The following MARCHF1 variants were observed in gnomAD, a reference collection of about 807,000 sequenced individuals.
MARCHF1 encodes the protein E3 ubiquitin-protein ligase MARCHF1.
MARCHF1 carries 40 observed loss-of-function variants against 54.2 expected under a neutral mutation model. That is an observed-to-expected ratio of 0.74 (90% CI 0.57 to 0.96). The LOEUF (loss-of-function observed/expected upper bound fraction) is 0.96, where lower values mean the gene tolerates loss of function less well. Among genes scored for constraint, MARCHF1 ranks in the 40% least tolerant of loss-of-function variants. The pLI is 0.00. For synonymous variants in MARCHF1, 236 were observed against 236.3 expected, an observed-to-expected ratio of 1.00 and a Z score of 0.01; for missense variants, 586 against 656.5, an observed-to-expected ratio of 0.89 and a Z score of 1.17.
At position 163,554,984 on chromosome 4, in the gene MARCHF1, G is replaced by A. The variant is rs367572007; in HGVS notation, c.1192-9241C>T. ...TTCTTTCAAGATTTTCATGACAGAT[G>A]GGATTTCCTAAAAGTTTTAAGCAAG... On this transcript the variant is annotated intron_variant, in intron 8 of 9. Coordinates refer to ENST00000514618, the MANE Select transcript of MARCHF1 (RefSeq NM_001394959.1). Among the ~76,000 whole-genome samples the A allele has an allele frequency of 9.9e-5, 15 of 152,172 alleles. No homozygotes were observed. In the East Asian group the frequency reaches 2.9e-3, roughly 29 times the overall value.
At chr4:163,791,042 A>C (rs1747761420) in intron 4 of MARCHF1, among the ~76,000 whole-genome samples, 1 of 152,166 alleles carries the variant, frequency 6.6e-6, no homozygotes, top group Admixed American at 6.6e-5. Flanking sequence ...ATGGGAGGCT[A>C]TTCCAACAAT....
intron 4 of MARCHF1, among the ~76,000 whole-genome samples, chr4:163,749,456 T>C (rs577705099): frequency 1.3e-5 from 2 of 152,222 alleles, no homozygotes; most frequent in South Asian, 2.1e-4. Flanking sequence ...GGAAATCCAG[T>C]AAAATATTGA....
intron 3 of MARCHF1, among the ~76,000 whole-genome samples, chr4:163,945,439 T>C (rs1464127337): frequency 6.6e-6 from 1 of 152,164 alleles, no homozygotes. Context: ...GCAAGTAGAG[T>C]AATTTTGAAA....
intron 8 of MARCHF1, among the ~76,000 whole-genome samples, chr4:163,551,875 G>T (rs114782660): frequency 6.6e-6 from 1 of 152,152 alleles, no homozygotes; most frequent in Admixed American, 6.5e-5. Flanking sequence ...CCCCAGTCAT[G>T]TGGAACTATG....
chr4:163,628,334 G>C (rs1021133531), intron 5 of MARCHF1, among the ~76,000 whole-genome samples: 1 of 152,054 alleles, frequency 6.6e-6, no homozygotes, highest in African/African-American at 2.4e-5. Flanking sequence ...ATGCAGAAAA[G>C]GCCTTCCGTA....
intron 1 of MARCHF1, among the ~76,000 whole-genome samples, chr4:164,289,449 C>T (rs1401690923): frequency 2.0e-5 from 3 of 151,896 alleles, no homozygotes; most frequent in African/African-American, 7.2e-5. Context: ...CTTTCATAAT[C>T]ATTATGAAAC....
intron 1 of MARCHF1, among the ~76,000 whole-genome samples, chr4:164,222,654 G>A (rs890725555): frequency 6.6e-6 from 1 of 151,884 alleles, no homozygotes; most frequent in Non-Finnish European, 1.5e-5. Flanking sequence ...GGAAGAGAGA[G>A]AGAGAGAAAG....
intron 3 of MARCHF1, among the ~76,000 whole-genome samples, chr4:163,895,498 G>A (rs1750785986): frequency 6.6e-6 from 1 of 152,188 alleles, no homozygotes; most frequent in South Asian, 2.1e-4. Flanking sequence ...TAAACCAGAA[G>A]TAAGGCAGAG....
At chr4:163,757,831 T>C (rs1387896253) in intron 4 of MARCHF1, among the ~76,000 whole-genome samples, 2 of 152,188 alleles carry the variant, frequency 1.3e-5, no homozygotes, top group Non-Finnish European at 2.9e-5. Flanking sequence ...ATGGTTGAGT[T>C]ACGCTAAGGA....
intron 1 of MARCHF1, among the ~76,000 whole-genome samples, chr4:164,140,344 T>A (rs1260190595): frequency 2.6e-5 from 4 of 151,858 alleles, no homozygotes; most frequent in African/African-American, 9.7e-5. Flanking sequence ...AGCCTTGAAC[T>A]TGAGAAATTT....
chr4:164,240,984 G>C (rs1732725506), intron 1 of MARCHF1, among the ~76,000 whole-genome samples: 1 of 152,138 alleles, frequency 6.6e-6, no homozygotes, highest in African/African-American at 2.4e-5. Context: ...GTAGCCAGAG[G>C]TCACACGACT....
In MARCHF1 at chr4:163,859,892, G is replaced by A. The variant is rs545671325; in HGVS notation, c.-38-5723C>T. ...GGGGCAGTTGGTGTTCTTAAGTGATGACTGAAAATCTTCCTTATGGAATTG... is the reference window on the plus strand; with the variant it reads ...GGGGCAGTTGGTGTTCTTAAGTGATAACTGAAAATCTTCCTTATGGAATTG... On this transcript the variant is annotated intron_variant, in intron 3 of 9. Coordinates refer to ENST00000514618, the MANE Select transcript of MARCHF1 (RefSeq NM_001394959.1). 4.6e-5 allele frequency among the ~76,000 whole-genome samples: 7 copies of A among 152,270 alleles called. No homozygotes were observed. In the South Asian group the frequency reaches 1.5e-3, roughly 32 times the overall value.
intron 2 of MARCHF1, among the ~76,000 whole-genome samples, chr4:164,109,912 T>TAAAAAAAAAAAAA (rs57433858): frequency 1.0e-3 from 66 of 63,130 alleles, no homozygotes; most frequent in African/African-American, 1.9e-3. Context: ...AAAATAAAAG[T>TAAAAAAAAAAAAA]AAAAAAAAAA....
chr4:163,976,777 G>A (rs1390892140), intron 3 of MARCHF1, among the ~76,000 whole-genome samples: 1 of 152,160 alleles, frequency 6.6e-6, no homozygotes, highest in African/African-American at 2.4e-5. Context: ...CTGGTTGGCA[G>A]TCTTATTCTT....
intron 4 of MARCHF1, among the ~76,000 whole-genome samples, chr4:163,800,575 C>A (rs1472900606): frequency 1.3e-5 from 2 of 151,902 alleles, no homozygotes; most frequent in African/African-American, 4.8e-5. Flanking sequence ...ATTCTGATGA[C>A]AATAAAAAGA....
intron 4 of MARCHF1, among the ~76,000 whole-genome samples, chr4:163,707,786 TAAAAAAA>T (rs777522371): frequency 6.4e-4 from 42 of 65,924 alleles, no homozygotes; most frequent in African/African-American, 1.9e-3. Flanking sequence ...TGTTTTGAAC[TAAAAAAA>T]AAAAAAAAAA....
At chr4:163,752,153 ACTG>A (rs781472130) in intron 4 of MARCHF1, among the ~76,000 whole-genome samples, 8 of 152,182 alleles carry the variant, frequency 5.3e-5, no homozygotes, top group Non-Finnish European at 8.8e-5. Flanking sequence ...TCAGCATTGG[ACTG>A]CTATCTTATA....
chr4:163,944,537 G>T (rs1027436712), intron 3 of MARCHF1, among the ~76,000 whole-genome samples: 5 of 152,054 alleles, frequency 3.3e-5, no homozygotes, highest in African/African-American at 1.2e-4. Context: ...TTCCTGGTTG[G>T]CCAAGGCTGT....
chr4:163,576,703 C>A lies in MARCHF1; in HGVS notation c.1191+9046G>T, dbSNP rs1740050244. Among the ~76,000 whole-genome samples, 3 of 152,034 alleles carry A rather than the reference C, an allele frequency of 2.0e-5. No homozygotes were observed. The South Asian group carries it at 6.2e-4, about 32-fold the overall frequency. On this transcript the variant is annotated intron_variant, in intron 8 of 9. Coordinates refer to ENST00000514618, the MANE Select transcript of MARCHF1 (RefSeq NM_001394959.1). ...AAGTCTTTTCTTAGATCTACAAGTA[C>A]TTTTTTTATGAATCTGGGTGCTTCA...
Sources: gnomAD v4.1 joint callset for allele counts (sites outside exome capture counted in the v4.1 genomes callset) on GRCh38, gnomAD v4.1.1 for gene constraint, MANE v1.5 for transcripts, NCBI Gene and HGNC (gene_info 2026-07-23, HGNC 2026-07-21) for gene names.